Variants in USP7 observed in about 807,000 individuals in gnomAD.
The protein encoded by USP7 is ubiquitin specific peptidase 7.
In USP7, 9 loss-of-function variants were observed where a neutral mutation model predicts 162.9. The observed-to-expected ratio is 0.06, with a 90% confidence interval of 0.03 to 0.10. USP7 has a LOEUF of 0.10. USP7 is among the 10% of genes least tolerant of loss of function. The pLI is 1.00. For missense variants in USP7, 715 were observed against 1,373.7 expected, an observed-to-expected ratio of 0.52 and a Z score of 7.58; for synonymous variants, 562 against 475.9, an observed-to-expected ratio of 1.18 and a Z score of -2.35.
intron 1 of USP7, among the ~76,000 whole-genome samples, chr16:8,961,931 T>A (rs887253115): frequency 1.3e-5 from 2 of 152,236 alleles, no homozygotes; most frequent in Non-Finnish European, 2.9e-5. Context: ...CTGCCATTGA[T>A]AAATACCACT....
chr16:8,958,933 A>G (rs1899905671), intron 1 of USP7, among the ~76,000 whole-genome samples: 1 of 152,214 alleles, frequency 6.6e-6, no homozygotes, highest in African/African-American at 2.4e-5. Context: ...TCCACATCGG[A>G]TATGGTTACT....
rs1648920093 is a variant in USP7 at position 8,903,377 on chromosome 16, C to T, written c.1730G>A (p.Gly577Asp). The T allele has an allele frequency of 1.2e-6, 2 of 1,613,880 alleles. No individual in the cohort carries two copies. Among genetic ancestry groups the T allele is most frequent in the Non-Finnish European group, 1.7e-6 (2 of 1,179,900 alleles). Reference protein sequence around the residue: ...VQIVAEDQFCGHQGNDMYDEE... With the variant: ...VQIVAEDQFCDHQGNDMYDEE... The stretch of plus-strand genomic sequence containing the variant: ...ATCGTACATGTCATTCCCTTGGTGG[C>T]CACAAAACTGGTCCTCTGCGACTAT... Residue 577 changes from glycine (G) to aspartate (D), a missense_variant, in exon 16 of 31, where the codon GGC becomes GAC. Gly to Asp is a moderately conservative substitution (Grantham distance 94). Coordinates refer to ENST00000344836, the MANE Select transcript of USP7 (RefSeq NM_003470.3).
intron 2 of USP7, among the ~76,000 whole-genome samples, chr16:8,923,877 CA>C (rs1187281881): frequency 6.6e-6 from 1 of 152,190 alleles, no homozygotes; most frequent in Non-Finnish European, 1.5e-5. Flanking sequence ...GGGAAACAGC[CA>C]TTCCCCTGGA....
At chr16:8,898,211 A>G in intron 25 of USP7, 149 bp downstream of exon 25, 1 of 688,210 alleles carries the variant, frequency 1.5e-6, no homozygotes, top group Non-Finnish European at 2.4e-6. Flanking sequence ...GAGGCAGGAA[A>G]GACTGGCCCA....
rs150209744 is a variant in USP7 at position 8,960,078 on chromosome 16, A to G, written c.79+3129T>C. 7.2e-5 allele frequency among the ~76,000 whole-genome samples: 11 copies of G among 152,370 alleles called. No homozygotes were observed. The East Asian group carries it at 1.9e-3, about 27-fold the overall frequency. The stretch of plus-strand genomic sequence containing the variant: ...CCGACCATCTGAGTATTCAGAGGGC[A>G]GAGACCCATGCAAGTCACTCCTTCA... On this transcript the variant is annotated intron_variant, in intron 1 of 30. Coordinates refer to ENST00000344836, the MANE Select transcript of USP7 (RefSeq NM_003470.3).
intron 1 of USP7, chr16:8,962,408 C>G: frequency 2.7e-6 from 1 of 364,070 alleles, no homozygotes; most frequent in Non-Finnish European, 5.8e-6. Context: ...CCTTTACAAC[C>G]AAGACTCTAT....
intron 1 of USP7, among the ~76,000 whole-genome samples, chr16:8,937,960 T>C (rs902928468): frequency 1.3e-5 from 2 of 152,188 alleles, no homozygotes; most frequent in Non-Finnish European, 2.9e-5. Context: ...AAGTATTTCA[T>C]GAATCAGTAA....
chr16:8,906,338 G>T, intron 13 of USP7, 88 bp downstream of exon 13: 1 of 1,481,600 alleles, frequency 6.7e-7, no homozygotes, highest in Non-Finnish European at 9.1e-7. Context: ...CCCTGACAAG[G>T]TTCCGAGTAG....
intron 1 of USP7, among the ~76,000 whole-genome samples, chr16:8,942,949 T>C (rs925832455): frequency 1.3e-5 from 2 of 152,174 alleles, no homozygotes; most frequent in African/African-American, 4.8e-5. Flanking sequence ...CTAAGCTAGG[T>C]TGCCTTCAGT....
chr16:8,919,663 T>C (rs573516054), intron 5 of USP7, among the ~76,000 whole-genome samples: 1 of 152,046 alleles, frequency 6.6e-6, no homozygotes, highest in Non-Finnish European at 1.5e-5. Flanking sequence ...CAGAATTAAC[T>C]GTGTCTCGTA....
chr16:8,917,747 G>C (rs192427941), intron 6 of USP7, among the ~76,000 whole-genome samples: 2 of 152,172 alleles, frequency 1.3e-5, no homozygotes, highest in East Asian at 3.9e-4. Flanking sequence ...AGCCCCCAGA[G>C]AACTACTTTT....
intron 18 of USP7, 77 bp downstream of exon 18, chr16:8,902,005 C>A: frequency 1.6e-6 from 2 of 1,222,226 alleles, no homozygotes; most frequent in South Asian, 1.3e-5. Context: ...AAGGCTTAAC[C>A]CTGTGTGTTT....
chr16:8,961,676 T>TA (rs1900022091), intron 1 of USP7, among the ~76,000 whole-genome samples: 1 of 152,184 alleles, frequency 6.6e-6, no homozygotes, highest in South Asian at 2.1e-4. Flanking sequence ...GCTCGTGTTA[T>TA]TGGATATTTG....
At chr16:8,955,844 T>G (rs535048430) in intron 1 of USP7, among the ~76,000 whole-genome samples, 4 of 151,178 alleles carry the variant, frequency 2.6e-5, no homozygotes, top group Non-Finnish European at 1.5e-5. Context: ...GGCTGTGGAG[T>G]AGAAAGGTTT....
chr16:8,957,069 C>A (rs1899840724), intron 1 of USP7, among the ~76,000 whole-genome samples: 1 of 152,144 alleles, frequency 6.6e-6, no homozygotes, highest in Admixed American at 6.5e-5. Flanking sequence ...GTGTATTTCC[C>A]CATACAAGAA....
intron 11 of USP7, among the ~76,000 whole-genome samples, chr16:8,909,334 C>A (rs1447249042): frequency 6.6e-6 from 1 of 152,158 alleles, no homozygotes; most frequent in Non-Finnish European, 1.5e-5. Context: ...CCTGGAGGAA[C>A]TGGGGACCAT....
At chr16:8,961,164 G>GA (rs1216548085) in intron 1 of USP7, among the ~76,000 whole-genome samples, 1 of 152,052 alleles carries the variant, frequency 6.6e-6, no homozygotes, top group African/African-American at 2.4e-5. Flanking sequence ...GGAGACTGAT[G>GA]AATTTCTAAA....
Position 8,951,909 on chromosome 16 carries a change from A to C in USP7, c.79+11298T>G, listed in dbSNP as rs141233011. On this transcript the variant is annotated intron_variant, in intron 1 of 30. Coordinates refer to ENST00000344836, the MANE Select transcript of USP7 (RefSeq NM_003470.3). The stretch of plus-strand genomic sequence containing the variant: ...TGCCACCAAATGCCACCTGCAGTGT[A>C]TCAGTGGCCCTGGACTATTCAGGCA... Among the ~76,000 whole-genome samples the C allele has an allele frequency of 2.4e-4, 36 of 152,352 alleles. No individual in the cohort carries two copies. The East Asian group carries it at 6.9e-3, about 29-fold the overall frequency.
At chr16:8,936,624 C>T in intron 1 of USP7, 1 of 1,559,152 alleles carries the variant, frequency 6.4e-7, no homozygotes, top group Non-Finnish European at 8.6e-7. Context: ...CTCTGCATGG[C>T]TCTGCAGTGG....
Sources: allele counts gnomAD v4.1 joint callset (sites outside exome capture counted in the v4.1 genomes callset), GRCh38; gene constraint gnomAD v4.1.1; transcripts MANE v1.5; gene names NCBI Gene and HGNC (gene_info 2026-07-23, HGNC 2026-07-21).